MAN2B2: variants seen among roughly 807,000 people sequenced by gnomAD.
MAN2B2 encodes mannosidase alpha class 2B member 2, also known as epididymis-specific alpha-mannosidase.
A neutral mutation model predicts 117.1 loss-of-function variants in MAN2B2; 106 were observed. The ratio of observed to expected loss-of-function variants is 0.90; its 90% CI spans 0.77 to 1.06. The LOEUF (loss-of-function observed/expected upper bound fraction) is 1.06, where lower values mean the gene tolerates loss of function less well. Among genes scored for constraint, MAN2B2 ranks in the 50% least tolerant of loss-of-function variants. MAN2B2 has a pLI of 0.00. For synonymous variants in MAN2B2, 544 were observed against 595.1 expected, an observed-to-expected ratio of 0.91 and a Z score of 1.25; for missense variants, 1,326 against 1,381.4, an observed-to-expected ratio of 0.96 and a Z score of 0.64.
At chr4:6,618,170 G>A (rs191193397) in intron 17 of MAN2B2, 5 of 152,404 alleles carry the variant, frequency 3.3e-5, no homozygotes, top group African/African-American at 1.2e-4. Flanking sequence ...ATTTTTAGTA[G>A]AGACACGGTC....
chr4:6,619,326 A>C (rs757216971), intron 17 of MAN2B2: 3 of 152,176 alleles, frequency 2.0e-5, no homozygotes, highest in Non-Finnish European at 4.4e-5. Context: ...TTGCGGTCAC[A>C]AGATGGCACA....
At position 6,609,909 on chromosome 4, in the gene MAN2B2, C is replaced by T. The variant is rs201236633; in HGVS notation, c.2118C>T (p.Ala706=). The T allele has an allele frequency of 3.1e-6, 5 of 1,614,146 alleles. No homozygotes were observed. Among genetic ancestry groups the T allele is most frequent in the African/African-American group, 2.7e-5 (2 of 75,050 alleles). Residue 706 remains alanine (A), a synonymous_variant, in exon 13 of 19, where the codon GCC becomes GCT. Coordinates refer to ENST00000285599, the MANE Select transcript of MAN2B2 (RefSeq NM_015274.3). ...ACCGGATAGAGCAGGAGTACCAAGCCGGCCCCCTGGAGCTGAACCGTGAGG... is the reference window on the plus strand; with the variant it reads ...ACCGGATAGAGCAGGAGTACCAAGCTGGCCCCCTGGAGCTGAACCGTGAGG... The part of the protein sequence containing the change: ...LCHRIEQEYQ[A]GPLELNREAV...
chr4:6,613,758 G>C (rs1711704833), intron 15 of MAN2B2, among the ~76,000 whole-genome samples: 2 of 141,620 alleles, frequency 1.4e-5, no homozygotes, highest in Non-Finnish European at 3.1e-5. Flanking sequence ...GGAGGGAAAA[G>C]AAAAGAAGAG....
chr4:6,579,612 CACT>C (rs778938266), intron 3 of MAN2B2, among the ~76,000 whole-genome samples: 12 of 151,782 alleles, frequency 7.9e-5, no homozygotes, highest in Non-Finnish European at 1.6e-4. Context: ...TCATCTTCAC[CACT>C]ACAATGACCA....
chr4:6,620,170 T>C, intron 18 of MAN2B2, 126 bp downstream of exon 18: 1 of 750,058 alleles, frequency 1.3e-6, no homozygotes, highest in Non-Finnish European at 2.1e-6. Context: ...GCTGCTTTCC[T>C]ACTCTGAACC....
intron 7 of MAN2B2, among the ~76,000 whole-genome samples, chr4:6,595,742 T>C (rs757241232): frequency 1.7e-4 from 26 of 152,214 alleles, no homozygotes; most frequent in Non-Finnish European, 3.4e-4. Context: ...ATTCAAACCA[T>C]AACATTTCCC....
chr4:6,610,439 G>C (rs1727727176), intron 13 of MAN2B2, among the ~76,000 whole-genome samples: 1 of 152,180 alleles, frequency 6.6e-6, no homozygotes, highest in Admixed American at 6.5e-5. Context: ...TTACAGGTGT[G>C]AGCCACCGCG....
chr4:6,609,465 C>A, intron 12 of MAN2B2, 167 bp downstream of exon 12: 1 of 710,032 alleles, frequency 1.4e-6, no homozygotes, highest in Non-Finnish European at 2.3e-6. Context: ...ATGCTGGCTG[C>A]GTTTGCGTGT....
Position 6,599,434 on chromosome 4 carries a change from G to A in MAN2B2, c.1405+1080G>A, listed in dbSNP as rs932241642. 6.6e-5 allele frequency among the ~76,000 whole-genome samples: 10 copies of A among 151,956 alleles called. No homozygotes were observed. In the South Asian group the frequency reaches 1.0e-3, roughly 16 times the overall value. On this transcript the variant is annotated intron_variant, in intron 9 of 18. Coordinates refer to ENST00000285599, the MANE Select transcript of MAN2B2 (RefSeq NM_015274.3). ...TCCCAGCACTTTGGGAGGCCGAGGCGGGTGGATTACGAGGTCAGGAGATCG... is the reference window on the plus strand; with the variant it reads ...TCCCAGCACTTTGGGAGGCCGAGGCAGGTGGATTACGAGGTCAGGAGATCG...
At chr4:6,597,056 C>A in intron 7 of MAN2B2, 57 bp from the exon 8 acceptor site, 1 of 1,523,930 alleles carries the variant, frequency 6.6e-7, no homozygotes, top group Non-Finnish European at 9.0e-7. Flanking sequence ...AGGGCTGGAG[C>A]TTAGCAGACT....
At chr4:6,620,275 A>G (rs1348940017) in intron 18 of MAN2B2, 3 of 473,318 alleles carry the variant, frequency 6.3e-6, no homozygotes, top group Non-Finnish European at 1.2e-5. Context: ...GTGCACTTGT[A>G]CGTGTGCACA....
chr4:6,579,331 CCACCACCACCAT>C (rs1726310552), intron 3 of MAN2B2, among the ~76,000 whole-genome samples: 2 of 84,800 alleles, frequency 2.4e-5, no homozygotes, highest in Non-Finnish European at 4.9e-5. Context: ...ACCACCACCA[CCACCACCACCAT>C]CACCATCACC....
chr4:6,575,382 G>A, intron 1 of MAN2B2, 34 bp downstream of exon 1: 1 of 1,444,704 alleles, frequency 6.9e-7, no homozygotes, highest in Non-Finnish European at 9.2e-7. Flanking sequence ...CGCCCCTGAG[G>A]CTGCAGCTTC....
chr4:6,599,537 G>T (rs190462716), intron 9 of MAN2B2, among the ~76,000 whole-genome samples: 6 of 152,000 alleles, frequency 3.9e-5, no homozygotes, highest in Non-Finnish European at 8.8e-5. Context: ...GGTGGCGGGC[G>T]CCTGTAGTCC....
chr4:6,616,732 G>A (rs1266029630), intron 16 of MAN2B2, among the ~76,000 whole-genome samples: 1 of 152,156 alleles, frequency 6.6e-6, no homozygotes, highest in Non-Finnish European at 1.5e-5. Flanking sequence ...AGTGGACGAG[G>A]ATGGAAACAT....
chr4:6,594,810 G>GCCGA, intron 7 of MAN2B2, 78 bp downstream of exon 7: 1 of 1,436,766 alleles, frequency 7.0e-7, no homozygotes, highest in Non-Finnish European at 9.5e-7. Flanking sequence ...CCACTTCAGT[G>GCCGA]GCTGCTCGGC....
intron 3 of MAN2B2, 33 bp from the exon 4 acceptor site, chr4:6,586,963 C>G: frequency 6.3e-7 from 1 of 1,595,804 alleles, no homozygotes; most frequent in Non-Finnish European, 8.6e-7. Context: ...GGCCCGCCCT[C>G]CAGGCACCAG....
chr4:6,597,079 C>T (rs575210205), intron 7 of MAN2B2, 34 bp from the exon 8 acceptor site: 51 of 1,590,188 alleles, frequency 3.2e-5, no homozygotes, highest in South Asian at 2.4e-4. Context: ...TGGGTCATGC[C>T]GTCTCAAGCT....
At position 6,617,582 on chromosome 4, in the gene MAN2B2, G is replaced by A. The variant is rs567679280; in HGVS notation, c.2814+90G>A. 2.6e-5 allele frequency: 41 copies of A among 1,561,366 alleles called. No homozygotes were observed. In the Middle Eastern group the frequency reaches 6.7e-4, roughly 25 times the overall value. On this transcript the variant is annotated intron_variant, in intron 17 of 18. Transcript: ENST00000285599. ...AAACTGCCTTGGCAAAGAGATCCACGAGGGCTTCCTCCCAAATGGACGCTG... is the reference window on the plus strand; with the variant it reads ...AAACTGCCTTGGCAAAGAGATCCACAAGGGCTTCCTCCCAAATGGACGCTG...
Sources: gnomAD v4.1 joint callset for allele counts (sites outside exome capture counted in the v4.1 genomes callset) on GRCh38, gnomAD v4.1.1 for gene constraint, MANE v1.5 for transcripts, NCBI Gene and HGNC (gene_info 2026-07-23, HGNC 2026-07-21) for gene names.